SUMF1: variants seen among roughly 807,000 people sequenced by gnomAD.
SUMF1 encodes the protein sulfatase modifying factor 1.
A neutral mutation model predicts 47.6 loss-of-function variants in SUMF1; 48 were observed. That is an observed-to-expected ratio of 1.01 (90% confidence interval 0.80 to 1.28). The LOEUF is 1.28. Ranked by LOEUF, SUMF1 falls within the 50% of genes most tolerant of loss-of-function variation. The pLI, the probability that SUMF1 is intolerant of heterozygous loss-of-function variation, is 0.00. For missense variants in SUMF1, 571 were observed against 485.4 expected (o/e 1.18, Z -1.66); for synonymous variants, 230 against 192.1 (o/e 1.20, Z -1.63).
At chr3:4,198,267 A>G (rs1399312368) in intron 8 of SUMF1, among the ~76,000 whole-genome samples, 3 of 152,040 alleles carry the variant, frequency 2.0e-5, no homozygotes, top group Admixed American at 6.6e-5. Context: ...GCAGTTAGAC[A>G]CAAAAAAGCT....
chr3:4,125,577 G>C (rs999446898), intron 8 of SUMF1, among the ~76,000 whole-genome samples: 3 of 152,088 alleles, frequency 2.0e-5, no homozygotes, highest in Non-Finnish European at 4.4e-5. Flanking sequence ...TTATCACATT[G>C]CTTGCTGAAA....
intron 8 of SUMF1, among the ~76,000 whole-genome samples, chr3:4,239,978 G>C (rs1388809441): frequency 6.6e-6 from 1 of 152,024 alleles, no homozygotes; most frequent in Non-Finnish European, 1.5e-5. Flanking sequence ...TTAGCATGAA[G>C]AGGTGTTGAA....
intron 8 of SUMF1, among the ~76,000 whole-genome samples, chr3:4,215,584 G>C (rs184673995): frequency 4.3e-4 from 66 of 152,288 alleles, no homozygotes; most frequent in African/African-American, 1.5e-3. Context: ...TATTCAAATA[G>C]GAAGACAGGA....
In SUMF1 at chr3:4,163,978, T is replaced by A. The variant is rs1694642309; in HGVS notation, c.1015-95233A>T. ...AAGCCAAACAGAAAGTCAGCAAAAC[T>A]GTTAGAACCACTGGCTATTTGATGA... is the stretch of plus-strand genomic sequence containing the variant. On this transcript the variant is annotated intron_variant and NMD_transcript_variant, in intron 8 of 12. Coordinates refer to the SUMF1 transcript ENST00000448413. Among the ~76,000 whole-genome samples the A allele has an allele frequency of 2.0e-5, 3 of 152,128 alleles. No homozygotes were observed. The South Asian group carries it at 6.2e-4, about 32-fold the overall frequency.
intron 8 of SUMF1, among the ~76,000 whole-genome samples, chr3:4,223,990 T>G (rs775908834): frequency 2.6e-5 from 4 of 151,824 alleles, no homozygotes; most frequent in Non-Finnish European, 5.9e-5. Flanking sequence ...ACAACAGCAT[T>G]AAGGATAAGA....
At position 4,351,135 on chromosome 3, in the gene SUMF1, G is replaced by C. The variant is rs7638573; in HGVS notation, c.1014+25195C>G. Among the ~76,000 whole-genome samples the C allele has an allele frequency of 6.4e-3, 976 of 152,248 alleles. 6 individuals carry two copies. Among genetic ancestry groups the C allele is most frequent in the African/African-American group, 0.022 (928 of 41,536 alleles). On this transcript the variant is annotated intron_variant and NMD_transcript_variant, in intron 8 of 12. Transcript: ENST00000448413. ...AATCATCAATGTGATTCAGCCTTTG[G>C]CTTGCCTAATATGTCCTGAAGCAAA...
At position 4,431,782 on chromosome 3, in the gene SUMF1, G is replaced by A. The variant is rs762365376; in HGVS notation, c.520-11636C>T. Reference sequence around the variant, plus strand: ...AGGGCATTGCTAGCAAGGTATCTCCGGCTGGCAAAAGTGATTGAGAAAAGT... The same window carrying A: ...AGGGCATTGCTAGCAAGGTATCTCCAGCTGGCAAAAGTGATTGAGAAAAGT... On this transcript the variant is annotated intron_variant, in intron 3 of 8. Coordinates refer to ENST00000272902, the MANE Select transcript of SUMF1 (RefSeq NM_182760.4). Among the ~76,000 whole-genome samples the A allele has an allele frequency of 1.1e-4, 16 of 152,224 alleles. No homozygotes were observed. In the South Asian group the frequency reaches 1.5e-3, roughly 14 times the overall value.
chr3:4,076,814 A>T (rs552300092), intron 8 of SUMF1, among the ~76,000 whole-genome samples: 4 of 152,210 alleles, frequency 2.6e-5, no homozygotes, highest in African/African-American at 9.6e-5. Context: ...CCTGGCTAAC[A>T]TGGTGAAACC....
chr3:4,316,090 G>A, intron 8 of SUMF1: 1 of 530,582 alleles, frequency 1.9e-6, no homozygotes, highest in Non-Finnish European at 3.3e-6. Flanking sequence ...TGCATTGTTG[G>A]AATTTGGTAT....
chr3:4,399,315 C>T (rs1342507610), intron 7 of SUMF1, among the ~76,000 whole-genome samples: 1 of 152,076 alleles, frequency 6.6e-6, no homozygotes, highest in Non-Finnish European at 1.5e-5. Context: ...ACACATTTCA[C>T]CCTAAAAATC....
At chr3:4,079,770 G>A (rs1330648113) in intron 8 of SUMF1, among the ~76,000 whole-genome samples, 1 of 150,436 alleles carries the variant, frequency 6.6e-6, no homozygotes, top group Non-Finnish European at 1.5e-5. Context: ...GGGTCCTGGA[G>A]GTGACAGTGG....
intron 8 of SUMF1, among the ~76,000 whole-genome samples, chr3:4,274,331 A>G (rs1236141738): frequency 6.6e-6 from 1 of 152,014 alleles, no homozygotes; most frequent in Non-Finnish European, 1.5e-5. Context: ...GCAAAGGGAG[A>G]AGTGAGGATG....
intron 7 of SUMF1, among the ~76,000 whole-genome samples, chr3:4,403,166 C>T (rs1701268937): frequency 6.6e-6 from 1 of 152,144 alleles, no homozygotes; most frequent in South Asian, 2.1e-4. Flanking sequence ...AATCTTCATC[C>T]CCATTTAAGA....
intron 3 of SUMF1, among the ~76,000 whole-genome samples, chr3:4,429,110 A>G (rs1303108447): frequency 6.6e-6 from 1 of 152,228 alleles, no homozygotes; most frequent in Non-Finnish European, 1.5e-5. Flanking sequence ...ACATGTTCAA[A>G]CACCTTCATG....
At chr3:4,211,189 CATATACATACATACATAT>C (rs1358006481) in intron 8 of SUMF1, among the ~76,000 whole-genome samples, 2 of 61,056 alleles carry the variant, frequency 3.3e-5, no homozygotes, top group African/African-American at 1.4e-4. Flanking sequence ...TATACATATA[CATATACATACATACATAT>C]ATATATATAT....
At chr3:4,351,633 TA>T (rs199786672) in intron 8 of SUMF1, among the ~76,000 whole-genome samples, 197 of 151,956 alleles carry the variant, frequency 1.3e-3, no homozygotes, top group African/African-American at 4.3e-3. Flanking sequence ...ACGCCGCCCC[TA>T]AAAAAAAGTC....
rs569438876 is a variant in SUMF1 at position 4,402,219 on chromosome 3, C to A, written c.954+8646G>T. ...AGAAGAAAATCCTTTCACCACTTAC[C>A]CTGAATTCCTCAAAAGGCTGGACCC... On this transcript the variant is annotated intron_variant, in intron 7 of 8. Transcript: ENST00000272902. 2.6e-5 allele frequency among the ~76,000 whole-genome samples: 4 copies of A among 152,144 alleles called. No homozygotes were observed. The South Asian group carries it at 8.3e-4, about 32-fold the overall frequency.
chr3:4,070,584 A>G (rs1695497004), intron 8 of SUMF1, among the ~76,000 whole-genome samples: 1 of 152,128 alleles, frequency 6.6e-6, no homozygotes, highest in Non-Finnish European at 1.5e-5. Flanking sequence ...GACATAGAAG[A>G]AAAGGGAAAG....
chr3:4,254,200 G>C (rs1286901609), intron 8 of SUMF1, among the ~76,000 whole-genome samples: 1 of 152,022 alleles, frequency 6.6e-6, no homozygotes, highest in African/African-American at 2.4e-5. Context: ...CTAAAAAGCA[G>C]AGCGCCTCTC....
Sources: gnomAD v4.1 joint callset for allele counts (sites outside exome capture counted in the v4.1 genomes callset) on GRCh38, gnomAD v4.1.1 for gene constraint, MANE v1.5 for transcripts, NCBI Gene and HGNC (gene_info 2026-07-23, HGNC 2026-07-21) for gene names.